Variants in ELL observed in about 807,000 individuals in gnomAD.
The protein encoded by ELL is elongation factor for RNA polymerase II, also known as RNA polymerase II elongation factor ELL.
Under a neutral mutation model 64.0 loss-of-function variants are expected in ELL, and 18 were observed. The observed-to-expected ratio is 0.28, with a 90% CI of 0.19 to 0.42. ELL has a LOEUF of 0.42. Ranked by LOEUF, ELL falls within the 10% of genes least tolerant of loss-of-function variation. ELL has a pLI of 1.00. For missense variants in ELL, 797 were observed against 870.4 expected, an observed-to-expected ratio of 0.92 and a Z score of 1.06; for synonymous variants, 399 against 376.2, an observed-to-expected ratio of 1.06 and a Z score of -0.70.
At chr19:18,490,211 C>A (rs141798942) in intron 1 of ELL, among the ~76,000 whole-genome samples, 8 of 151,680 alleles carry the variant, frequency 5.3e-5, no homozygotes, top group South Asian at 2.1e-4. Context: ...CCCTCCCCCC[C>A]ACCCACGCCT....
At chr19:18,472,737 A>C (rs1600460930) in intron 2 of ELL, 98 bp downstream of exon 2, 5 of 1,441,222 alleles carry the variant, frequency 3.5e-6, no homozygotes, top group Non-Finnish European at 3.8e-6. Context: ...GGGCCCAAAC[A>C]CTGCCATGAG....
At chr19:18,493,131 C>T (rs115236608) in intron 1 of ELL, among the ~76,000 whole-genome samples, 399 of 151,986 alleles carry the variant, frequency 2.6e-3, no homozygotes, top group African/African-American at 9.2e-3. Context: ...CAAGGGTGAC[C>T]GAGAAGGAAA....
rs1600427169 is a variant in ELL, at chr19:18,451,413, C to T, written c.966+139G>A. 21 of 798,340 alleles carry T rather than the reference C, an allele frequency of 2.6e-5. No individual in the cohort carries two copies. In the East Asian group the frequency reaches 6.9e-4, roughly 26 times the overall value. The allele number at this position is 798,340 out of a possible 1,614,324, so 49.5% of individuals were successfully genotyped here. A position where few individuals can be genotyped will look rare whatever the true frequency, so the allele number is the denominator to read the frequency against. On this transcript the variant is annotated intron_variant, in intron 7 of 11. Coordinates refer to ENST00000262809, the MANE Select transcript of ELL (RefSeq NM_006532.4). ...CCAACCCGACAGCTTCCCCCTTGGT[C>T]CCTGGGCGGAGGGAGGCGGCTCAAC...
At chr19:18,462,487 G>A (rs992242620) in intron 4 of ELL, among the ~76,000 whole-genome samples, 15 of 151,566 alleles carry the variant, frequency 9.9e-5, no homozygotes, top group African/African-American at 3.4e-4. Context: ...GGGCTCAAGC[G>A]ATCCTCCCAC....
At chr19:18,497,814 TCAAAAA>T (rs1975692190) in intron 1 of ELL, among the ~76,000 whole-genome samples, 1 of 49,124 alleles carries the variant, frequency 2.0e-5, no homozygotes, top group African/African-American at 1.2e-4. Context: ...AGATCTCATC[TCAAAAA>T]AAAAAAAAAA....
rs754772366 is a variant in ELL at position 18,446,399 on chromosome 19, G to C, written c.1614C>G (p.Asp538Glu). 1 of 1,612,100 alleles carries C rather than the reference G, an allele frequency of 6.2e-7. No homozygotes were observed. The highest frequency in any genetic ancestry group is 1.3e-5 in the African/African-American group (1 of 74,916). ...DFNAEYSEYRDLHARIERITR... is the reference protein window; with the variant it reads ...DFNAEYSEYRELHARIERITR... The stretch of plus-strand genomic sequence containing the variant: ...TGATGCGCTCAATGCGGGCGTGCAG[G>C]TCGCGGTACTCGCTGTACTCGGCAT... Residue 538 changes from aspartate to glutamate, a missense_variant, in exon 10 of 12, where the codon GAC becomes GAG. Transcript: ENST00000262809.
At position 18,444,322 on chromosome 19, in the gene ELL, G is replaced by C. The variant is rs1049399086; in HGVS notation, c.*430C>G. On this transcript the variant is annotated 3_prime_UTR_variant, in exon 12 of 12. Transcript: ENST00000262809. ...GGCAGCGGCTAGACCCTGGGTGTCC[G>C]AGGAGAGGGAGGCACAGGTTTAGAA... 1 of 239,238 alleles carries C rather than the reference G, an allele frequency of 4.2e-6. No individual in the cohort carries two copies. The highest frequency in any genetic ancestry group is 8.2e-6 in the Non-Finnish European group (1 of 121,304). The allele number at this position is 239,238 out of a possible 1,614,324, so 14.8% of individuals were successfully genotyped here. A position where few individuals can be genotyped will look rare whatever the true frequency, so the allele number is the denominator to read the frequency against.
intron 1 of ELL, among the ~76,000 whole-genome samples, chr19:18,498,471 G>A (rs112627884): frequency 2.6e-5 from 4 of 152,158 alleles, no homozygotes; most frequent in African/African-American, 9.7e-5. Flanking sequence ...TGCACTCAAC[G>A]GTGTGAGACT....
chr19:18,468,798 C>T (rs544928539), intron 2 of ELL, among the ~76,000 whole-genome samples: 3 of 152,368 alleles, frequency 2.0e-5, no homozygotes, highest in African/African-American at 7.2e-5. Context: ...GTTGGCAGGA[C>T]TCATTCTGTC....
intron 2 of ELL, among the ~76,000 whole-genome samples, chr19:18,466,455 G>A (rs1458387035): frequency 1.3e-5 from 2 of 152,220 alleles, no homozygotes; most frequent in Non-Finnish European, 2.9e-5. Context: ...TGTGAATCAG[G>A]TAGGCTTGTG....
rs180943332 is a variant in ELL at position 18,496,269 on chromosome 19, G to A, written c.136-23387C>T. Among the ~76,000 whole-genome samples the A allele has an allele frequency of 1.1e-4, 16 of 152,364 alleles. No individual in the cohort carries two copies. The East Asian group carries it at 2.9e-3, about 28-fold the overall frequency. On this transcript the variant is annotated intron_variant, in intron 1 of 11. Transcript: ENST00000262809. ...GGCGTGGTTGTGAAAAGAGCCACCC[G>A]TGAGCCCCAAGAGGTGGCCGGGCCA...
At chr19:18,494,214 AAG>A (rs1458378019) in intron 1 of ELL, among the ~76,000 whole-genome samples, 1 of 151,818 alleles carries the variant, frequency 6.6e-6, no homozygotes, top group Non-Finnish European at 1.5e-5. Context: ...GCAACAGAGC[AAG>A]ACCCTGCCAC....
chr19:18,509,150 C>T (rs545136907), intron 1 of ELL, among the ~76,000 whole-genome samples: 1 of 152,150 alleles, frequency 6.6e-6, no homozygotes, highest in Admixed American at 6.5e-5. Context: ...GAGCAGGAGG[C>T]ACCCACCAGG....
chr19:18,513,361 G>C (rs73527416), intron 1 of ELL, among the ~76,000 whole-genome samples: 1 of 152,174 alleles, frequency 6.6e-6, no homozygotes, highest in Non-Finnish European at 1.5e-5. Flanking sequence ...AAAAATGCCC[G>C]AAGAATACTG....
rs554486661 is a variant in ELL at position 18,492,777 on chromosome 19, GCCAGGC to G, written c.136-19901_136-19896del. Among the ~76,000 whole-genome samples, 10 of 152,284 alleles carry G rather than the reference GCCAGGC, an allele frequency of 6.6e-5. No homozygotes were observed. In the East Asian group the frequency reaches 1.9e-3, roughly 30 times the overall value. ...CAGAAAGCAGGGCTGGAGTCCAGCA[GCCAGGC>G]CCAGGCCCAGCTCCACTGCCCTCTA... On this transcript the variant is annotated intron_variant, in intron 1 of 11. Transcript: ENST00000262809.
chr19:18,451,006 G>C, intron 7 of ELL, 31 bp from the exon 8 acceptor site: 3 of 1,498,966 alleles, frequency 2.0e-6, no homozygotes, highest in Non-Finnish European at 2.7e-6. Flanking sequence ...TTTTAGAGGG[G>C]AGCACAGAGT....
rs1242345376 is a variant in ELL, at chr19:18,450,588, ACTT to A, written c.1351_1353del (p.Lys451del). Reference sequence around the variant, plus strand: ...CTCTCCTTGTCTTTGTGCTTCTTGGACTTCTTCTTGGGCTTGCTGCGCGAGGGG... The same window carrying A: ...CTCTCCTTGTCTTTGTGCTTCTTGGACTTCTTGGGCTTGCTGCGCGAGGGG... On this transcript the variant is annotated inframe_deletion, in exon 8 of 12. Transcript: ENST00000262809. 3.1e-6 allele frequency: 5 copies of A among 1,611,936 alleles called. No individual in the cohort carries two copies. Among genetic ancestry groups the A allele is most frequent in the East Asian group, 4.5e-5 (2 of 44,782 alleles).
chr19:18,464,088 G>A (rs1209801452), intron 4 of ELL, among the ~76,000 whole-genome samples: 1 of 152,200 alleles, frequency 6.6e-6, no homozygotes, highest in Non-Finnish European at 1.5e-5. Context: ...TGTATATGGG[G>A]CCAGGTGCGC....
At chr19:18,494,603 C>T (rs1975607984) in intron 1 of ELL, among the ~76,000 whole-genome samples, 1 of 152,174 alleles carries the variant, frequency 6.6e-6, no homozygotes, top group Non-Finnish European at 1.5e-5. Context: ...GTTGGCCAGG[C>T]TGGTCTCGAT....
Sources: allele counts gnomAD v4.1 joint callset (sites outside exome capture counted in the v4.1 genomes callset), GRCh38; gene constraint gnomAD v4.1.1; transcripts MANE v1.5; gene names NCBI Gene and HGNC (gene_info 2026-07-23, HGNC 2026-07-21).